Variants in TPD52 observed in about 807,000 individuals in gnomAD.
TPD52 encodes the protein tumor protein D52, also known as prostate and colon associated protein.
In TPD52, 17 loss-of-function variants were observed where a neutral mutation model predicts 31.3. That is an observed-to-expected ratio of 0.54 (90% CI 0.37 to 0.82). The LOEUF (loss-of-function observed/expected upper bound fraction) is 0.82, where lower values mean the gene tolerates loss of function less well. Among genes scored for constraint, TPD52 ranks in the 40% least tolerant of loss-of-function variants. TPD52 has a pLI of 0.00. For missense variants in TPD52, 212 were observed against 240.1 expected (o/e 0.88, Z 0.77); for synonymous variants, 83 against 89.6 (o/e 0.93, Z 0.42).
At chr8:80,156,253 G>C (rs920208545) in intron 1 of TPD52, among the ~76,000 whole-genome samples, 1 of 152,194 alleles carries the variant, frequency 6.6e-6, no homozygotes, top group African/African-American at 2.4e-5. Context: ...CTGGCCTCCA[G>C]CATGCAGACT....
At chr8:80,140,581 T>C (rs1383203350) in intron 1 of TPD52, among the ~76,000 whole-genome samples, 3 of 152,226 alleles carry the variant, frequency 2.0e-5, no homozygotes, top group Admixed American at 6.5e-5. Context: ...GGCTTCCTTG[T>C]AGCTACGAAA....
At chr8:80,039,158 T>G (rs184522198) in intron 7 of TPD52, among the ~76,000 whole-genome samples, 2 of 152,230 alleles carry the variant, frequency 1.3e-5, no homozygotes, top group African/African-American at 4.8e-5. Flanking sequence ...TCATTCTTTT[T>G]GATCTACCAT....
chr8:80,171,336 G>T (rs1461329442), intron 1 of TPD52, 89 bp downstream of exon 1: 2 of 1,547,148 alleles, frequency 1.3e-6, no homozygotes, highest in East Asian at 2.3e-5. Flanking sequence ...TCGAGCCGCC[G>T]GGCCGCGCTC....
intron 1 of TPD52, among the ~76,000 whole-genome samples, chr8:80,070,776 C>T (rs1383573424): frequency 6.6e-6 from 1 of 152,144 alleles, no homozygotes; most frequent in African/African-American, 2.4e-5. Context: ...ACAAGATGAG[C>T]TTTGAAATTA....
At chr8:80,066,255 A>T (rs1367709395) in intron 1 of TPD52, among the ~76,000 whole-genome samples, 1 of 152,238 alleles carries the variant, frequency 6.6e-6, no homozygotes, top group Non-Finnish European at 1.5e-5. Flanking sequence ...GGCACTTGGT[A>T]CAGGCTCTAC....
intron 2 of TPD52, 128 bp downstream of exon 2, chr8:80,064,350 G>C (rs985626320): frequency 1.2e-5 from 9 of 758,050 alleles, no homozygotes; most frequent in Non-Finnish European, 2.0e-5. Context: ...AGACCTGCTG[G>C]AGAAGTAAAC....
At chr8:80,171,312 G>C in intron 1 of TPD52, 113 bp downstream of exon 1, 1 of 1,390,008 alleles carries the variant, frequency 7.2e-7, no homozygotes, top group Non-Finnish European at 1.0e-6. Flanking sequence ...CGGCCCAGGA[G>C]GCTCGGCACC....
chr8:80,036,062 G>A lies in TPD52; in HGVS notation c.*2054C>T, dbSNP rs542735894. 6.6e-6 allele frequency: 1 copy of A among 152,240 alleles called. No homozygotes were observed. Among genetic ancestry groups the A allele is most frequent in the South Asian group, 2.1e-4 (1 of 4,822 alleles). The allele number at this position is 152,240 out of a possible 1,614,324, so 9.4% of individuals were successfully genotyped here. A position where few individuals can be genotyped will look rare whatever the true frequency, so the allele number is the denominator to read the frequency against. The stretch of plus-strand genomic sequence containing the variant: ...ACTTTGTTTCTTAGATTAAGTATAG[G>A]TAGATGTCTAGAAAAGTGATTCTCC... On this transcript the variant is annotated 3_prime_UTR_variant, in exon 8 of 8. Coordinates refer to ENST00000518937, the MANE Select transcript of TPD52 (RefSeq NM_001025253.3).
rs1298963819 is a variant in TPD52 at position 80,157,943 on chromosome 8, T to A, written c.19+13482A>T. On this transcript the variant is annotated intron_variant, in intron 1 of 7. Coordinates refer to ENST00000518937, the MANE Select transcript of TPD52 (RefSeq NM_001025253.3). ...CTAAAACCAGTGGCATCCACAGGCA[T>A]AGCAAATCCAGTTATTCTCCCATGC... Among the ~76,000 whole-genome samples the A allele has an allele frequency of 1.3e-5, 2 of 152,202 alleles. 1 individual carries two copies. The highest frequency in any genetic ancestry group is 4.1e-4 in the South Asian group (2 of 4,826).
intron 2 of TPD52, among the ~76,000 whole-genome samples, chr8:80,056,537 G>A (rs1364811244): frequency 6.6e-6 from 1 of 152,048 alleles, no homozygotes; most frequent in Non-Finnish European, 1.5e-5. Context: ...TTAGAAAATG[G>A]GCAAAGGACT....
At chr8:80,139,478 T>C (rs1369834158) in intron 1 of TPD52, among the ~76,000 whole-genome samples, 1 of 152,160 alleles carries the variant, frequency 6.6e-6, no homozygotes, top group African/African-American at 2.4e-5. Flanking sequence ...TTATAAACTG[T>C]CCAGGTTATC....
chr8:80,102,357 C>T (rs1188749463), intron 1 of TPD52, among the ~76,000 whole-genome samples: 2 of 152,174 alleles, frequency 1.3e-5, no homozygotes, highest in Non-Finnish European at 1.5e-5. Context: ...TACATGTCAG[C>T]TGGTTTTCCA....
At chr8:80,161,527 T>A (rs1811359654) in intron 1 of TPD52, among the ~76,000 whole-genome samples, 1 of 152,142 alleles carries the variant, frequency 6.6e-6, no homozygotes, top group South Asian at 2.1e-4. Context: ...CTAGTGACAC[T>A]ATTTCTAGCC....
intron 2 of TPD52, among the ~76,000 whole-genome samples, chr8:80,054,324 TGAA>T (rs1183662332): frequency 6.6e-6 from 1 of 151,942 alleles, no homozygotes; most frequent in African/African-American, 2.4e-5. Context: ...GCAGAAGCTA[TGAA>T]GAAAAGGAAA....
At chr8:80,032,461 C>T (rs1007525211), downstream of TPD52, among the ~76,000 whole-genome samples, 2 of 152,110 alleles carry the variant, frequency 1.3e-5, no homozygotes, top group African/African-American at 2.4e-5. Context: ...CTCAGCTACT[C>T]GGGAAGCTGA....
At chr8:80,113,108 G>A (rs1002855887) in intron 1 of TPD52, among the ~76,000 whole-genome samples, 4 of 152,138 alleles carry the variant, frequency 2.6e-5, no homozygotes, top group Non-Finnish European at 5.9e-5. Context: ...AAATTTTGGA[G>A]CATTTCAGAT....
At chr8:80,134,053 C>T (rs1345322580) in intron 1 of TPD52, among the ~76,000 whole-genome samples, 1 of 152,208 alleles carries the variant, frequency 6.6e-6, no homozygotes, top group Non-Finnish European at 1.5e-5. Context: ...AGTGACATGG[C>T]AGACACGGTG....
downstream of TPD52, among the ~76,000 whole-genome samples, chr8:80,034,533 TAAA>T (rs1173421979): frequency 6.6e-6 from 1 of 152,168 alleles, no homozygotes; most frequent in Non-Finnish European, 1.5e-5. Context: ...AGTATCACTC[TAAA>T]AATAGTCATT....
At chr8:80,132,531 C>T (rs773972881) in intron 1 of TPD52, among the ~76,000 whole-genome samples, 1 of 152,014 alleles carries the variant, frequency 6.6e-6, no homozygotes, top group Admixed American at 6.5e-5. Flanking sequence ...ATTCGGTTGC[C>T]GTGAAAATTA....
Sources: allele counts gnomAD v4.1 joint callset (sites outside exome capture counted in the v4.1 genomes callset), GRCh38; gene constraint gnomAD v4.1.1; transcripts MANE v1.5; gene names NCBI Gene and HGNC (gene_info 2026-07-23, HGNC 2026-07-21).